SHISA9: variants seen among roughly 807,000 people sequenced by gnomAD.
SHISA9 encodes shisa family member 9, also known as protein shisa-9.
SHISA9 carries 13 observed loss-of-function variants against 38.0 expected under a neutral mutation model. The observed-to-expected ratio is 0.34, with a 90% confidence interval of 0.22 to 0.54. SHISA9 has a LOEUF of 0.54. Ranked by LOEUF, SHISA9 falls within the 20% of genes least tolerant of loss-of-function variation. SHISA9 has a pLI of 0.91. For synonymous variants in SHISA9, 275 were observed against 242.0 expected, an observed-to-expected ratio of 1.14 and a Z score of -1.27; for missense variants, 538 against 575.8, an observed-to-expected ratio of 0.93 and a Z score of 0.67.
chr16:13,244,498 A>C (rs1414842200), downstream of SHISA9, among the ~76,000 whole-genome samples: 2 of 152,204 alleles, frequency 1.3e-5, no homozygotes, highest in East Asian at 3.9e-4. Context: ...TTTTTAAATA[A>C]GATTTTCTTT....
At chr16:13,021,308 A>G (rs946199282) in intron 2 of SHISA9, among the ~76,000 whole-genome samples, 5 of 152,172 alleles carry the variant, frequency 3.3e-5, no homozygotes, top group Admixed American at 1.3e-4. Context: ...TACAATACAC[A>G]GGACCCTACC....
chr16:13,434,419 G>GTTTGTTTTTTTTTTTTTTTTTT, the SHISA9 span, among the ~76,000 whole-genome samples: 1 of 64,566 alleles, frequency 1.5e-5, no homozygotes, highest in East Asian at 4.9e-4. Context: ...GACAAGCTAT[G>GTTTGTTTTTTTTTTTTTTTTTT]TTTTTTTTTT....
the SHISA9 span, among the ~76,000 whole-genome samples, chr16:13,530,270 C>T: frequency 1.3e-5 from 2 of 152,098 alleles, no homozygotes; most frequent in African/African-American, 2.4e-5. Flanking sequence ...CACTGCACTC[C>T]CGCCTGGGTG....
chr16:12,985,658 C>T (rs2072298649), intron 2 of SHISA9, among the ~76,000 whole-genome samples: 1 of 152,160 alleles, frequency 6.6e-6, no homozygotes, highest in Admixed American at 6.5e-5. Flanking sequence ...GCCATTTCTT[C>T]CCTAAGGGTT....
intron 2 of SHISA9, among the ~76,000 whole-genome samples, chr16:13,117,961 C>T (rs906421873): frequency 3.3e-5 from 5 of 152,034 alleles, no homozygotes; most frequent in South Asian, 4.2e-4. Context: ...GTGGGCGGAT[C>T]GCCTGAGATC....
intron 2 of SHISA9, among the ~76,000 whole-genome samples, chr16:12,963,473 T>C (rs1320257435): frequency 6.6e-6 from 1 of 152,206 alleles, no homozygotes. Flanking sequence ...GGAGACCATA[T>C]GGCTGGCAGG....
At chr16:13,351,235 G>A in the SHISA9 span, among the ~76,000 whole-genome samples, 1 of 152,136 alleles carries the variant, frequency 6.6e-6, no homozygotes, top group African/African-American at 2.4e-5. Context: ...TACACTGCCT[G>A]TCACGAACCG....
chr16:13,273,320 G>A, the SHISA9 span, among the ~76,000 whole-genome samples: 1 of 152,134 alleles, frequency 6.6e-6, no homozygotes, highest in South Asian at 2.1e-4. Context: ...ATATGGTTTG[G>A]CTGTATTCCC....
At chr16:13,511,536 A>G in the SHISA9 span, among the ~76,000 whole-genome samples, 2 of 152,320 alleles carry the variant, frequency 1.3e-5, no homozygotes, top group Non-Finnish European at 2.9e-5. Context: ...CAATAAAGGT[A>G]ACATGTGTTT....
At chr16:13,548,926 A>G in the SHISA9 span, among the ~76,000 whole-genome samples, 2 of 152,228 alleles carry the variant, frequency 1.3e-5, no homozygotes, top group East Asian at 3.8e-4. Context: ...GTTTATTGCA[A>G]CACTTTACAC....
intron 2 of SHISA9, among the ~76,000 whole-genome samples, chr16:12,942,630 G>T (rs932777204): frequency 3.3e-5 from 5 of 152,188 alleles, no homozygotes; most frequent in African/African-American, 1.2e-4. Flanking sequence ...AGCTTTGCTG[G>T]TCCTAAGGAA....
the SHISA9 span, among the ~76,000 whole-genome samples, chr16:13,354,116 G>A: frequency 6.0e-5 from 9 of 149,684 alleles, no homozygotes; most frequent in African/African-American, 2.2e-4. Context: ...GCAAATCCTC[G>A]AGCTTGATGT....
the SHISA9 span, among the ~76,000 whole-genome samples, chr16:13,470,295 T>C: frequency 8.5e-5 from 13 of 152,212 alleles, no homozygotes; most frequent in African/African-American, 3.1e-4. Flanking sequence ...GAAACTCTAA[T>C]TTCGGTATTC....
the SHISA9 span, among the ~76,000 whole-genome samples, chr16:13,347,717 G>T: frequency 6.6e-6 from 1 of 152,280 alleles, no homozygotes; most frequent in East Asian, 1.9e-4. Context: ...TGAGTGTTGT[G>T]TCTGGCCTGT....
intron 2 of SHISA9, among the ~76,000 whole-genome samples, chr16:13,128,833 G>T (rs2050283209): frequency 6.6e-6 from 1 of 152,344 alleles, no homozygotes; most frequent in South Asian, 2.1e-4. Flanking sequence ...TGCTGTGTCT[G>T]TGTACGTGTG....
the SHISA9 span, among the ~76,000 whole-genome samples, chr16:13,313,270 A>AAAAAAT: frequency 6.6e-6 from 1 of 150,474 alleles, no homozygotes; most frequent in Non-Finnish European, 1.5e-5. Flanking sequence ...AAAAAAAAAA[A>AAAAAAT]AACCCAGTTT....
intron 2 of SHISA9, among the ~76,000 whole-genome samples, chr16:12,942,766 T>C (rs191945933): frequency 6.6e-6 from 1 of 151,914 alleles, no homozygotes; most frequent in African/African-American, 2.4e-5. Context: ...CTTTCTGTTT[T>C]CCATTTTGCT....
the SHISA9 span, among the ~76,000 whole-genome samples, chr16:13,288,313 A>C: frequency 6.6e-6 from 1 of 152,184 alleles, no homozygotes. Flanking sequence ...GGGAAGAGGC[A>C]GTTCAAGATC....
At chr16:13,398,343 G>C in the SHISA9 span, among the ~76,000 whole-genome samples, 2 of 152,108 alleles carry the variant, frequency 1.3e-5, no homozygotes, top group Non-Finnish European at 2.9e-5. Flanking sequence ...TAGTTTTTAA[G>C]TTTTTGGGGA....
Sources: allele counts gnomAD v4.1 joint callset (sites outside exome capture counted in the v4.1 genomes callset), GRCh38; gene constraint gnomAD v4.1.1; transcripts MANE v1.5; gene names NCBI Gene and HGNC (gene_info 2026-07-23, HGNC 2026-07-21).